Variants in BFSP1 observed in about 807,000 individuals in gnomAD.
BFSP1 encodes beaded filament structural protein 1.
In BFSP1, 38 loss-of-function variants were observed where a neutral mutation model predicts 43.9. That is an observed-to-expected ratio of 0.87 (90% CI 0.67 to 1.14). The LOEUF (loss-of-function observed/expected upper bound fraction) is 1.14, where lower values mean the gene tolerates loss of function less well. Among genes scored for constraint, BFSP1 ranks in the 50% most tolerant of loss-of-function variants. The pLI is 0.00. For missense variants in BFSP1, 850 were observed against 875.1 expected, an observed-to-expected ratio of 0.97 and a Z score of 0.36; for synonymous variants, 352 against 354.8, an observed-to-expected ratio of 0.99 and a Z score of 0.09.
At position 17,522,113 on chromosome 20, in the gene BFSP1, G is replaced by C. The variant is rs114437697; in HGVS notation, c.438+2735C>G. The stretch of plus-strand genomic sequence containing the variant: ...AGGACACCAACATCAAGGTCCATGG[G>C]GCCACCTATAGCCGAGAACTCTCTG... On this transcript the variant is annotated intron_variant, in intron 2 of 7. Transcript: ENST00000377873. Among the ~76,000 whole-genome samples, 1,194 of 152,248 alleles carry C rather than the reference G, an allele frequency of 7.8e-3. 13 individuals carry two copies. Among genetic ancestry groups the C allele is most frequent in the African/African-American group, 0.026 (1,076 of 41,526 alleles).
At position 17,517,068 on chromosome 20, in the gene BFSP1, G is replaced by A. The variant is rs938555123; in HGVS notation, c.439-2252C>T. The A allele has an allele frequency of 1.9e-5, 17 of 912,320 alleles. No homozygotes were observed. In the Admixed American group the frequency reaches 2.5e-4, roughly 14 times the overall value. The allele number at this position is 912,320 out of a possible 1,614,324, so 56.5% of individuals were successfully genotyped here. A position where few individuals can be genotyped will look rare whatever the true frequency, so the allele number is the denominator to read the frequency against. ...TCATCTTGTGTTGAGACTTCGTGGT[G>A]GTGCTAAGAAAAGGAAGAAGTCTTA... On this transcript the variant is annotated intron_variant, in intron 2 of 7. Transcript: ENST00000377873.
chr20:17,530,513 T>G (rs921924520), intron 1 of BFSP1, among the ~76,000 whole-genome samples: 5 of 152,142 alleles, frequency 3.3e-5, no homozygotes, highest in Non-Finnish European at 7.4e-5. Flanking sequence ...ATAGGCAAAG[T>G]CAATCTATGG....
exon 1 of BFSP1, chr20:17,558,867 G>A: frequency 1.2e-6 from 1 of 817,656 alleles, no homozygotes; most frequent in East Asian, 2.8e-5. Context: ...GAGAGGAAGT[G>A]ACTCACTGGC....
intron 3 of BFSP1, among the ~76,000 whole-genome samples, chr20:17,512,417 G>A (rs2034107635): frequency 6.6e-6 from 1 of 150,984 alleles, no homozygotes; most frequent in South Asian, 2.1e-4. Flanking sequence ...AAAAAAAAAA[G>A]AGAAAAAAAC....
chr20:17,498,952 C>A lies in BFSP1; in HGVS notation c.824G>T (p.Arg275Leu). The A allele has an allele frequency of 1.2e-6, 2 of 1,614,178 alleles. No individual in the cohort carries two copies. The highest frequency in any genetic ancestry group is 2.2e-5 in the East Asian group (1 of 44,872). Residue 275 changes from arginine to leucine, a missense_variant, in exon 6 of 8, where the codon CGC (arginine) becomes CTC (leucine). Coordinates refer to ENST00000377873, the MANE Select transcript of BFSP1 (RefSeq NM_001195.5). Reference protein sequence around the residue: ...QLYNEQIETLRKEIEETERVL... With the variant: ...QLYNEQIETLLKEIEETERVL... The stretch of plus-strand genomic sequence containing the variant: ...CCGCTCTGTCTCCTCAATCTCCTTG[C>A]GCAGTGTCTCAATCTGCTCGTTATA...
At position 17,517,445 on chromosome 20, in the gene BFSP1, A is replaced by G. The variant is rs536204261; in HGVS notation, c.439-2629T>C. 45 of 609,066 alleles carry G rather than the reference A, an allele frequency of 7.4e-5. No individual in the cohort carries two copies. In the East Asian group the frequency reaches 1.3e-3, roughly 17 times the overall value. 37.7% of individuals were successfully genotyped at this position (609,066 alleles called of 1,614,324 possible). A position where few individuals can be genotyped will look rare whatever the true frequency, so the allele number is the denominator to read the frequency against. The stretch of plus-strand genomic sequence containing the variant: ...ACTACAGGTGCACACCACCACGCCC[A>G]GCTAATTTTTCTATTTTTGGTAGAA... On this transcript the variant is annotated intron_variant, in intron 2 of 7. Transcript: ENST00000377873.
chr20:17,555,366 A>T (rs1288679693), intron 1 of BFSP1, among the ~76,000 whole-genome samples: 1 of 151,836 alleles, frequency 6.6e-6, no homozygotes, highest in Non-Finnish European at 1.5e-5. Context: ...CAATTACAGA[A>T]ACATGGCCGG....
At chr20:17,540,535 G>T (rs1192628962) in intron 1 of BFSP1, among the ~76,000 whole-genome samples, 1 of 152,094 alleles carries the variant, frequency 6.6e-6, no homozygotes, top group Non-Finnish European at 1.5e-5. Flanking sequence ...TGGCAGACCT[G>T]CTGTATGAGT....
intron 1 of BFSP1, among the ~76,000 whole-genome samples, chr20:17,538,143 A>AGAAAG (rs760865904): frequency 1.4e-3 from 211 of 149,060 alleles, no homozygotes; most frequent in East Asian, 3.7e-3. Flanking sequence ...AAAGAAAGAG[A>AGAAAG]GAAAGGAAAG....
upstream of BFSP1, among the ~76,000 whole-genome samples, chr20:17,560,975 T>C (rs1253368473): frequency 6.6e-6 from 1 of 152,228 alleles, no homozygotes; most frequent in African/African-American, 2.4e-5. Context: ...AGAAAAACTC[T>C]CTTGTTTTTA....
In BFSP1 at chr20:17,494,159, G is replaced by A; in HGVS notation, c.1913C>T (p.Thr638Ile). The A allele has an allele frequency of 6.2e-7, 1 of 1,614,120 alleles. No homozygotes were observed. Among genetic ancestry groups the A allele is most frequent in the Non-Finnish European group, 8.5e-7 (1 of 1,180,034 alleles). Residue 638 changes from threonine to isoleucine, a missense_variant, in exon 8 of 8, where the codon ACA becomes ATA. Coordinates refer to ENST00000377873, the MANE Select transcript of BFSP1 (RefSeq NM_001195.5). ...CACGATCACAGCGGTTTCTTCATAT[G>A]TCTGAATGCTCTCCGTGGAAATCTT... Reference protein sequence around the residue: ...IEKISTESIQTYEETAVIVET... With the variant: ...IEKISTESIQIYEETAVIVET...
upstream of BFSP1, among the ~76,000 whole-genome samples, chr20:17,561,454 G>A (rs1292456299): frequency 6.6e-6 from 1 of 151,176 alleles, no homozygotes; most frequent in Non-Finnish European, 1.5e-5. Context: ...AGCCCAGATC[G>A]CACCACTGCA....
chr20:17,512,276 A>C (rs867727086), intron 3 of BFSP1, among the ~76,000 whole-genome samples: 8 of 152,174 alleles, frequency 5.3e-5, no homozygotes, highest in Admixed American at 4.6e-4. Context: ...CATTCCTGGC[A>C]CCTCAGTCTC....
At chr20:17,545,952 A>T (rs889303562) in intron 1 of BFSP1, among the ~76,000 whole-genome samples, 6 of 152,072 alleles carry the variant, frequency 3.9e-5, no homozygotes, top group African/African-American at 1.4e-4. Context: ...AAAATGTGCT[A>T]CTCTGTGACA....
intron 5 of BFSP1, among the ~76,000 whole-genome samples, chr20:17,500,537 A>G (rs1394455678): frequency 6.6e-6 from 1 of 152,254 alleles, no homozygotes; most frequent in African/African-American, 2.4e-5. Context: ...AAAGTCTAGC[A>G]CATGCAATTA....
chr20:17,518,092 C>T (rs1018337857), intron 2 of BFSP1, among the ~76,000 whole-genome samples: 1 of 152,208 alleles, frequency 6.6e-6, no homozygotes, highest in Non-Finnish European at 1.5e-5. Context: ...CCACCAGCAC[C>T]ACTGCCCACT....
chr20:17,501,728 G>A (rs913528367), intron 5 of BFSP1, among the ~76,000 whole-genome samples: 1 of 152,194 alleles, frequency 6.6e-6, no homozygotes, highest in South Asian at 2.1e-4. Flanking sequence ...CCCTGTGTCT[G>A]ATGTCAGCCC....
In BFSP1 at chr20:17,499,040, T is replaced by C. The variant is rs143865632; in HGVS notation, c.736A>G (p.Thr246Ala). The C allele has an allele frequency of 5.5e-5, 89 of 1,613,878 alleles. No individual in the cohort carries two copies. Among genetic ancestry groups the C allele is most frequent in the African/African-American group, 1.3e-5 (1 of 74,920 alleles). Residue 246 changes from threonine to alanine, a missense_variant and splice_region_variant, in exon 6 of 8, where the codon ACA becomes GCA. Thr to Ala is a moderately conservative substitution (Grantham distance 58). Transcript: ENST00000377873. The part of the protein sequence containing the change: ...QAQRVELQAQ[T>A]TTLEQAIKSA... The stretch of plus-strand genomic sequence containing the variant: ...TTAATAGCTTGTTCCAGAGTTGTTG[T>C]CTGTGGGCAAGGACACGCTGTAAGA...
In BFSP1 at chr20:17,494,518, C is replaced by T. The variant is rs2033578271; in HGVS notation, c.1554G>A (p.Lys518=). ...CCACCTGCCCATTCTCTAAAGGGGG[C>T]TTGGGTGACTCAGGAGAGGGCTCCA... is the stretch of plus-strand genomic sequence containing the variant. ...GQVEPSPESP[K]PPLENGQVGL... The change falls in exon 8 of 8, where the codon AAG becomes AAA. Residue 518 remains lysine (K), a synonymous_variant. Coordinates refer to ENST00000377873, the MANE Select transcript of BFSP1 (RefSeq NM_001195.5). The T allele has an allele frequency of 6.2e-7, 1 of 1,614,196 alleles. No individual in the cohort carries two copies. Among genetic ancestry groups the T allele is most frequent in the Non-Finnish European group, 8.5e-7 (1 of 1,180,028 alleles).
Sources: gnomAD v4.1 joint callset for allele counts (sites outside exome capture counted in the v4.1 genomes callset) on GRCh38, gnomAD v4.1.1 for gene constraint, MANE v1.5 for transcripts, NCBI Gene and HGNC (gene_info 2026-07-23, HGNC 2026-07-21) for gene names.